The following SLC7A8 variants were observed in gnomAD, a reference collection of about 807,000 sequenced individuals.
SLC7A8 encodes the protein solute carrier family 7 member 8.
SLC7A8 carries 30 observed loss-of-function variants against 51.2 expected under a neutral mutation model. That is an observed-to-expected ratio of 0.59 (90% confidence interval 0.44 to 0.80). SLC7A8 has a LOEUF of 0.80. Among genes scored for constraint, SLC7A8 ranks in the 30% least tolerant of loss-of-function variants. SLC7A8 has a pLI of 0.00. For missense variants in SLC7A8, 612 were observed against 674.4 expected (o/e 0.91, Z 1.03); for synonymous variants, 257 against 275.8 (o/e 0.93, Z 0.67).
In SLC7A8 at chr14:23,128,916, G is replaced by A. The variant is rs375140479; in HGVS notation, c.1264-720C>T. ...TGGAAATGCCAGTGAGGAACTGAGA[G>A]ATTTGGAGAGCCTTTGATTTTTCAG... is the stretch of plus-strand genomic sequence containing the variant. On this transcript the variant is annotated intron_variant, in intron 9 of 10. Transcript: ENST00000316902. This position sits in a 1 kb window ranked among gnomAD's most constrained non-coding sequence, Gnocchi z 4.3. Among the ~76,000 whole-genome samples, 100 of 152,340 alleles carry A rather than the reference G, an allele frequency of 6.6e-4. 2 individuals carry two copies. The South Asian group carries it at 0.02, about 31-fold the overall frequency.
chr14:23,141,052 G>A (rs565221539), intron 4 of SLC7A8, among the ~76,000 whole-genome samples: 22 of 152,290 alleles, frequency 1.4e-4, no homozygotes, highest in African/African-American at 5.1e-4. Context: ...GGAGGTCAAG[G>A]CAGAAGGAAT....
Position 23,154,190 on chromosome 14 carries a change from AGCCCTCTGAAAC to A in SLC7A8, c.509-10998_509-10987del, listed in dbSNP as rs888762040. 6 of 957,504 alleles carry A rather than the reference AGCCCTCTGAAAC, an allele frequency of 6.3e-6. No homozygotes were observed. The African/African-American group carries it at 1.1e-4, about 17-fold the overall frequency. 59.3% of individuals were successfully genotyped at this position (957,504 alleles called of 1,614,324 possible). A position where few individuals can be genotyped will look rare whatever the true frequency, so the allele number is the denominator to read the frequency against. On this transcript the variant is annotated intron_variant, in intron 3 of 10. Coordinates refer to ENST00000316902, the MANE Select transcript of SLC7A8 (RefSeq NM_012244.4). ...GGCACCTTTCTGGATGGAGCTCCCC[AGCCCTCTGAAAC>A]GCCATAAATTTCACCTGGGTCATGG...
chr14:23,181,569 T>TC (rs1877186024), intron 1 of SLC7A8, among the ~76,000 whole-genome samples: 2 of 152,102 alleles, frequency 1.3e-5, no homozygotes, highest in African/African-American at 4.8e-5. Context: ...ATTTCAAGAG[T>TC]GCTCTCCAGT....
intron 3 of SLC7A8, chr14:23,155,606 G>C: frequency 1.4e-6 from 1 of 731,024 alleles, no homozygotes; most frequent in South Asian, 5.8e-5. Context: ...AGAAATCCAG[G>C]GTGGCCTGCC....
At chr14:23,127,925 A>G (rs553212937) in intron 10 of SLC7A8, 94 bp downstream of exon 10, 96 of 1,103,290 alleles carry the variant, frequency 8.7e-5, no homozygotes, top group Non-Finnish European at 1.1e-4. Flanking sequence ...GTGAGCCTAG[A>G]TCTCCTGGCC....
intron 3 of SLC7A8, among the ~76,000 whole-genome samples, chr14:23,149,719 T>C (rs12433421): frequency 0.011 from 1,706 of 152,322 alleles, 140 homozygotes; most frequent in Admixed American, 0.1. Context: ...TCAACCCATT[T>C]TTAACCCTAA....
intron 1 of SLC7A8, among the ~76,000 whole-genome samples, chr14:23,180,433 G>A (rs1279236517): frequency 1.3e-5 from 2 of 152,150 alleles, no homozygotes; most frequent in African/African-American, 4.8e-5. Context: ...TTTGTCCCCT[G>A]TTATCATCTT....
chr14:23,174,223 C>G (rs1292106088), intron 1 of SLC7A8, among the ~76,000 whole-genome samples: 3 of 152,258 alleles, frequency 2.0e-5, no homozygotes, highest in Non-Finnish European at 2.9e-5. Flanking sequence ...TAAACACTCT[C>G]TGCAGAACTG....
At chr14:23,143,519 G>T (rs778182436) in intron 3 of SLC7A8, among the ~76,000 whole-genome samples, 2 of 152,230 alleles carry the variant, frequency 1.3e-5, no homozygotes, top group Non-Finnish European at 2.9e-5. Flanking sequence ...TATGGGCTTT[G>T]TCTTCAAGTT....
intron 3 of SLC7A8, among the ~76,000 whole-genome samples, chr14:23,160,437 G>A (rs1404752280): frequency 6.6e-6 from 1 of 152,086 alleles, no homozygotes; most frequent in Non-Finnish European, 1.5e-5. Flanking sequence ...CGGACGTGGT[G>A]GCGGGCGCCT....
chr14:23,133,409 C>T (rs1408835256), intron 7 of SLC7A8, among the ~76,000 whole-genome samples: 1 of 145,236 alleles, frequency 6.9e-6, no homozygotes, highest in African/African-American at 2.6e-5. Context: ...CCATTGCACT[C>T]CACCCTAGGC....
chr14:23,166,591 T>G, intron 1 of SLC7A8, 51 bp from the exon 2 acceptor site: 238 of 1,578,530 alleles, frequency 1.5e-4, no homozygotes, highest in Middle Eastern at 1.9e-4. Context: ...ACAGGACGGT[T>G]GGCAGGATTG....
intron 3 of SLC7A8, chr14:23,154,589 G>A: frequency 1.7e-6 from 1 of 583,418 alleles, no homozygotes; most frequent in Non-Finnish European, 2.2e-6. Context: ...GATCTAGGAG[G>A]TAAGCAGTGC....
rs907662284 is a variant in SLC7A8, at chr14:23,125,373, C to T, written c.*1804G>A. 2.0e-5 allele frequency: 3 copies of T among 151,998 alleles called. No homozygotes were observed. The highest frequency in any genetic ancestry group is 7.3e-5 in the African/African-American group (3 of 41,280). The allele number at this position is 151,998 out of a possible 1,614,324, so 9.4% of individuals were successfully genotyped here. On this transcript the variant is annotated 3_prime_UTR_variant, in exon 11 of 11. Transcript: ENST00000316902. ...ACAAATCTCTAAAACCTACACCAAA[C>T]GAAAGAAATTATCATTAAGGTTCTA...
intron 1 of SLC7A8, among the ~76,000 whole-genome samples, chr14:23,172,520 TG>T (rs1036452564): frequency 2.0e-5 from 3 of 151,930 alleles, no homozygotes; most frequent in African/African-American, 7.3e-5. Flanking sequence ...CTGGGGGTGG[TG>T]GGGGGCTGAG....
intron 7 of SLC7A8, among the ~76,000 whole-genome samples, chr14:23,133,226 C>G (rs1020941409): frequency 2.6e-5 from 4 of 151,806 alleles, no homozygotes; most frequent in African/African-American, 9.7e-5. Flanking sequence ...TCATTTGAGC[C>G]CGGAAGTTTG....
chr14:23,160,552 C>T (rs1300460604), intron 3 of SLC7A8, among the ~76,000 whole-genome samples: 2 of 129,304 alleles, frequency 1.5e-5, no homozygotes, highest in Admixed American at 9.1e-5. Context: ...GCCTGGGTGA[C>T]GGAGGGAGAC....
At position 23,163,999 on chromosome 14, in the gene SLC7A8, T is replaced by C. The variant is rs910507603; in HGVS notation, c.508+1286A>G. Among the ~76,000 whole-genome samples the C allele has an allele frequency of 3.9e-5, 6 of 152,074 alleles. No homozygotes were observed. The South Asian group carries it at 1.2e-3, about 32-fold the overall frequency. ...TTTTTAGAGACAGGATCTCACTATG[T>C]TGCCCAGGCTGGAGTGCAGTGGCTA... On this transcript the variant is annotated intron_variant, in intron 3 of 10. Coordinates refer to ENST00000316902, the MANE Select transcript of SLC7A8 (RefSeq NM_012244.4).
At position 23,127,178 on chromosome 14, in the gene SLC7A8, C is replaced by T; in HGVS notation, c.1607G>A (p.Ter536=). 1.9e-6 allele frequency: 3 copies of T among 1,614,016 alleles called. No homozygotes were observed. Among genetic ancestry groups the T allele is most frequent in the Non-Finnish European group, 2.5e-6 (3 of 1,179,922 alleles). ...AGAGTAGCCAGGGAATGGTGGTCCT[C>T]AGGGCTGGGGCTGCCCCGCCACGTC... is the stretch of plus-strand genomic sequence containing the variant. ...DKDVAGQPQP[*] Residue 536 remains the stop codon, a stop_retained_variant, in exon 11 of 11, where the codon TGA becomes TAA. Transcript: ENST00000316902.
Sources: allele counts gnomAD v4.1 joint callset (sites outside exome capture counted in the v4.1 genomes callset), GRCh38; gene constraint gnomAD v4.1.1; non-coding constraint Gnocchi (gnomAD v3.1); transcripts MANE v1.5; gene names NCBI Gene and HGNC (gene_info 2026-07-23, HGNC 2026-07-21).